HS6ST2: variants seen among roughly 807,000 people sequenced by gnomAD.
HS6ST2 encodes the protein heparan sulfate 6-O-sulfotransferase 2.
A neutral mutation model predicts 33.0 loss-of-function variants in HS6ST2; 17 were observed. The ratio of observed to expected loss-of-function variants is 0.52; its 90% CI spans 0.35 to 0.77. HS6ST2 has a LOEUF of 0.77. HS6ST2 is among the 30% of genes least tolerant of loss of function. HS6ST2 has a pLI of 0.01. For missense variants in HS6ST2, 519 were observed against 551.7 expected, an observed-to-expected ratio of 0.94 and a Z score of 0.59; for synonymous variants, 248 against 237.1, an observed-to-expected ratio of 1.05 and a Z score of -0.42.
chrX:132,705,525 C>T (rs1011565892), intron 3 of HS6ST2, among the ~76,000 whole-genome samples: 1 of 111,386 alleles, frequency 9.0e-6, no homozygotes, highest in Non-Finnish European at 1.9e-5. Context: ...GTGAGGCTGC[C>T]GCTGGGTATG....
chrX:132,896,203 G>A (rs746585939), intron 2 of HS6ST2, among the ~76,000 whole-genome samples: 1 of 111,143 alleles, frequency 9.0e-6, no homozygotes, highest in Non-Finnish European at 1.9e-5. Flanking sequence ...GGGAGTGTTG[G>A]CTCATGCCTG....
intron 2 of HS6ST2, among the ~76,000 whole-genome samples, chrX:132,714,348 C>T (rs1446401353): frequency 9.0e-6 from 1 of 110,533 alleles, no homozygotes. Flanking sequence ...GGGAGTCTCC[C>T]TCTGTTGCCC....
chrX:132,859,336 A>G (rs1193610108), intron 2 of HS6ST2, among the ~76,000 whole-genome samples: 1 of 111,789 alleles, frequency 8.9e-6, no homozygotes, highest in Non-Finnish European at 1.9e-5. Context: ...AGGAAGAACT[A>G]TATACAGACA....
chrX:132,761,006 G>A (rs891093543), intron 2 of HS6ST2, among the ~76,000 whole-genome samples: 1 of 111,422 alleles, frequency 9.0e-6, no homozygotes, highest in Non-Finnish European at 1.9e-5. Flanking sequence ...ACTAAAAAGA[G>A]GGCATTGTTT....
intron 3 of HS6ST2, among the ~76,000 whole-genome samples, chrX:132,697,804 C>G (rs748508949): frequency 8.9e-6 from 1 of 111,998 alleles, no homozygotes; most frequent in African/African-American, 3.2e-5. Context: ...GACAGGATCT[C>G]TCTCTAATTC....
At chrX:132,861,958 T>C (rs772507213) in intron 2 of HS6ST2, among the ~76,000 whole-genome samples, 5 of 112,481 alleles carry the variant, frequency 4.4e-5, no homozygotes, top group African/African-American at 1.6e-4. Flanking sequence ...GTTTCTTAAA[T>C]GAATTTTCTG....
At chrX:132,680,508 T>C (rs1221103213) in intron 3 of HS6ST2, among the ~76,000 whole-genome samples, 6 of 111,649 alleles carry the variant, frequency 5.4e-5, no homozygotes, top group African/African-American at 9.8e-5. Flanking sequence ...TGGGAGTCTA[T>C]GGTAGTTCAA....
intron 2 of HS6ST2, among the ~76,000 whole-genome samples, chrX:132,923,590 AATTT>A (rs1407257998): frequency 8.9e-6 from 1 of 111,926 alleles, no homozygotes; most frequent in African/African-American, 3.3e-5. Context: ...GACTCTACTT[AATTT>A]GAGACAACAT....
At chrX:132,675,529 C>T (rs2063918165) in intron 3 of HS6ST2, among the ~76,000 whole-genome samples, 1 of 111,744 alleles carries the variant, frequency 8.9e-6, no homozygotes, top group Non-Finnish European at 1.9e-5. Flanking sequence ...TTCTTCATCC[C>T]ATGCCCATAG....
intron 2 of HS6ST2, among the ~76,000 whole-genome samples, chrX:132,908,256 A>G (rs1343145496): frequency 8.9e-6 from 1 of 112,188 alleles, no homozygotes; most frequent in African/African-American, 3.2e-5. Flanking sequence ...AAAAAGACAG[A>G]TTATAACAAG....
intron 2 of HS6ST2, among the ~76,000 whole-genome samples, chrX:132,818,742 T>C (rs1349087886): frequency 8.9e-6 from 1 of 112,238 alleles, no homozygotes; most frequent in Non-Finnish European, 1.9e-5. Flanking sequence ...TAATGCAACA[T>C]GCCAAGAGAA....
At position 132,628,219 on chromosome X, in the gene HS6ST2, C is replaced by A. The variant is rs1419328356; in HGVS notation, c.*4G>T. On this transcript the variant is annotated 3_prime_UTR_variant, in exon 5 of 5. Coordinates refer to ENST00000370833, the MANE Select transcript of HS6ST2 (RefSeq NM_001394073.1). Reference sequence around the variant, plus strand: ...AGAAGTATGTACAGGCCTTTTTGAGCCATTTAACGCCATTTCTCTACACTG... The same window carrying A: ...AGAAGTATGTACAGGCCTTTTTGAGACATTTAACGCCATTTCTCTACACTG... The A allele has an allele frequency of 1.6e-5, 18 of 1,127,959 alleles. No individual in the cohort carries two copies. The highest frequency in any genetic ancestry group is 2.0e-5 in the Non-Finnish European group (17 of 843,838). The allele number at this position is 1,127,959 out of a possible 1,213,427, so 93.0% of individuals were successfully genotyped here.
intron 2 of HS6ST2, among the ~76,000 whole-genome samples, chrX:132,771,173 G>A (rs946092136): frequency 1.1e-4 from 12 of 111,887 alleles, no homozygotes; most frequent in Non-Finnish European, 2.1e-4. Flanking sequence ...CATAGTAGGT[G>A]CTCAGTAAAT....
chrX:132,924,625 T>C (rs776183732), intron 2 of HS6ST2, among the ~76,000 whole-genome samples: 1 of 111,394 alleles, frequency 9.0e-6, no homozygotes, highest in Non-Finnish European at 1.9e-5. Context: ...GAACCAACCA[T>C]GTGATTAGAG....
chrX:132,798,301 A>C (rs2065204286), intron 2 of HS6ST2, among the ~76,000 whole-genome samples: 1 of 111,002 alleles, frequency 9.0e-6, no homozygotes, highest in Non-Finnish European at 1.9e-5. Context: ...CTCATCCAAT[A>C]CCCATTCCAC....
At chrX:132,949,543 G>C (rs2066989243) in intron 2 of HS6ST2, among the ~76,000 whole-genome samples, 1 of 110,096 alleles carries the variant, frequency 9.1e-6, no homozygotes, top group South Asian at 4.0e-4. Flanking sequence ...TTCAGGGTGA[G>C]GGTTTATTAG....
In HS6ST2 at chrX:132,945,486, G is replaced by C. The variant is rs186537444; in HGVS notation, c.947+11322C>G. Among the ~76,000 whole-genome samples the C allele has an allele frequency of 7.1e-3, 792 of 111,004 alleles. 4 individuals are homozygous for C. Among genetic ancestry groups the C allele is most frequent in the African/African-American group, 0.025 (751 of 30,530 alleles). The stretch of plus-strand genomic sequence containing the variant: ...TCTAGAACTAGAAATACCATTTGAC[G>C]CAGCCATCCCATTACTGGGTATATA... On this transcript the variant is annotated intron_variant, in intron 2 of 4. Transcript: ENST00000370833.
At chrX:132,821,407 T>A (rs2065456456) in intron 2 of HS6ST2, among the ~76,000 whole-genome samples, 1 of 108,573 alleles carries the variant, frequency 9.2e-6, no homozygotes, top group Non-Finnish European at 1.9e-5. Context: ...AGAGACGGGG[T>A]TTCACCGTGT....
At chrX:132,825,702 TC>T (rs755836946) in intron 2 of HS6ST2, among the ~76,000 whole-genome samples, 1 of 112,071 alleles carries the variant, frequency 8.9e-6, no homozygotes, top group African/African-American at 3.2e-5. Context: ...TGGACCCTAA[TC>T]AGGAACATGC....
Sources: allele counts gnomAD v4.1 joint callset (sites outside exome capture counted in the v4.1 genomes callset), GRCh38; gene constraint gnomAD v4.1.1; transcripts MANE v1.5; gene names NCBI Gene and HGNC (gene_info 2026-07-23, HGNC 2026-07-21).